The following SH3PXD2A variants were observed in gnomAD, a reference collection of about 807,000 sequenced individuals.
SH3PXD2A encodes SH3 and PX domain-containing protein 2A.
A neutral mutation model predicts 115.2 loss-of-function variants in SH3PXD2A; 32 were observed. The observed-to-expected ratio is 0.28, with a 90% CI of 0.21 to 0.37. The LOEUF (loss-of-function observed/expected upper bound fraction) is 0.37. SH3PXD2A is among the 10% of genes least tolerant of loss of function. The probability of loss-of-function intolerance (pLI) is 1.00; values close to 1 mark genes in which losing one functional copy is unlikely to be tolerated. For missense variants in SH3PXD2A, 1,328 were observed against 1,498.7 expected (o/e 0.89, Z 1.88); for synonymous variants, 610 against 629.1 (o/e 0.97, Z 0.45).
At chr10:103,828,662 G>C (rs1213272864) in intron 1 of SH3PXD2A, among the ~76,000 whole-genome samples, 1 of 152,206 alleles carries the variant, frequency 6.6e-6, no homozygotes, top group Non-Finnish European at 1.5e-5. Flanking sequence ...CCCAAGGGCA[G>C]GGCCTCTGCT....
intron 1 of SH3PXD2A, among the ~76,000 whole-genome samples, chr10:103,848,124 ACTCCAC>A (rs1027663251): frequency 6.6e-6 from 1 of 151,852 alleles, no homozygotes; most frequent in Non-Finnish European, 1.5e-5. Context: ...GATGGAAATT[ACTCCAC>A]CTGAAACGCT....
intron 5 of SH3PXD2A, among the ~76,000 whole-genome samples, chr10:103,707,838 T>C (rs1277044278): frequency 6.6e-6 from 1 of 152,146 alleles, no homozygotes; most frequent in Non-Finnish European, 1.5e-5. Flanking sequence ...CTTTTGTGTG[T>C]GTCTCTCTCT....
intron 10 of SH3PXD2A, 143 bp from the exon 11 acceptor site, chr10:103,617,457 A>G: frequency 1.6e-6 from 1 of 637,850 alleles, no homozygotes; most frequent in Non-Finnish European, 2.8e-6. Flanking sequence ...TCTCCAGGGG[A>G]GGGAAGGACC....
intron 5 of SH3PXD2A, among the ~76,000 whole-genome samples, chr10:103,698,221 G>T (rs910982858): frequency 1.3e-5 from 2 of 152,212 alleles, no homozygotes; most frequent in Non-Finnish European, 2.9e-5. Context: ...GAGGAAAGGG[G>T]GCTGGGCCTG....
intron 8 of SH3PXD2A, among the ~76,000 whole-genome samples, chr10:103,635,595 C>A (rs1200094191): frequency 6.6e-6 from 1 of 152,194 alleles, no homozygotes; most frequent in Non-Finnish European, 1.5e-5. Flanking sequence ...TGAGAGAGGA[C>A]CCCAGGTACA....
chr10:103,606,003 G>C, intron 13 of SH3PXD2A, 86 bp from the exon 14 acceptor site: 2 of 1,471,598 alleles, frequency 1.4e-6, no homozygotes, highest in African/African-American at 1.4e-5. Flanking sequence ...TCAGTCCCCA[G>C]GGGGTGCGGA....
At chr10:103,790,503 C>T (rs2039025477) in intron 2 of SH3PXD2A, among the ~76,000 whole-genome samples, 1 of 152,098 alleles carries the variant, frequency 6.6e-6, no homozygotes, top group Admixed American at 6.6e-5. Flanking sequence ...TTGGAGTGAG[C>T]TAGAAGCGAG....
chr10:103,854,750 C>T (rs1159154940), intron 1 of SH3PXD2A, among the ~76,000 whole-genome samples: 1 of 152,182 alleles, frequency 6.6e-6, no homozygotes, highest in Non-Finnish European at 1.5e-5. Flanking sequence ...AGAGACAGAG[C>T]TGGCGTGGGA....
chr10:103,854,225 G>A (rs1285872133), intron 1 of SH3PXD2A, among the ~76,000 whole-genome samples: 1 of 152,222 alleles, frequency 6.6e-6, no homozygotes, highest in African/African-American at 2.4e-5. Flanking sequence ...TGTTTTAACT[G>A]TTAAGATTAA....
chr10:103,662,758 C>G (rs1452796897), intron 7 of SH3PXD2A, among the ~76,000 whole-genome samples: 1 of 152,142 alleles, frequency 6.6e-6, no homozygotes, highest in Non-Finnish European at 1.5e-5. Flanking sequence ...GACTAGTCAC[C>G]TCCTACAGGA....
At chr10:103,676,305 C>A in intron 6 of SH3PXD2A, among the ~76,000 whole-genome samples, 1 of 152,172 alleles carries the variant, frequency 6.6e-6, no homozygotes, top group Non-Finnish European at 1.5e-5. Flanking sequence ...TAGGAATGCA[C>A]TATTGACCCT....
chr10:103,741,378 C>T (rs1009526578), intron 3 of SH3PXD2A, among the ~76,000 whole-genome samples: 8 of 152,186 alleles, frequency 5.3e-5, no homozygotes, highest in African/African-American at 1.4e-4. Flanking sequence ...TGAAGCCTTC[C>T]TTGAATGCTT....
At chr10:103,771,039 AG>A (rs1298488261) in intron 2 of SH3PXD2A, among the ~76,000 whole-genome samples, 2 of 152,194 alleles carry the variant, frequency 1.3e-5, no homozygotes, top group Non-Finnish European at 2.9e-5. Flanking sequence ...ATGACTCCAT[AG>A]GTTTCTGATG....
At chr10:103,721,435 G>C (rs1395553282) in intron 5 of SH3PXD2A, among the ~76,000 whole-genome samples, 1 of 152,202 alleles carries the variant, frequency 6.6e-6, no homozygotes, top group Non-Finnish European at 1.5e-5. Context: ...TGTTCCTCAA[G>C]GGCCTCCTAG....
At position 103,784,479 on chromosome 10, in the gene SH3PXD2A, A is replaced by G. The variant is rs558352014; in HGVS notation, c.153+16803T>C. 2.0e-4 allele frequency among the ~76,000 whole-genome samples: 30 copies of G among 152,356 alleles called. No individual in the cohort carries two copies. Among genetic ancestry groups the G allele is most frequent in the African/African-American group, 7.2e-4 (30 of 41,574 alleles). Reference sequence around the variant, plus strand: ...CTGCACCATTTTATTTATTTAAAAGAGACATATCTGAAGCAAATGTGGCAA... The same window carrying G: ...CTGCACCATTTTATTTATTTAAAAGGGACATATCTGAAGCAAATGTGGCAA... On this transcript the variant is annotated intron_variant, in intron 2 of 14. Coordinates refer to ENST00000369774, the MANE Select transcript of SH3PXD2A (RefSeq NM_001394015.1). This position sits in a 1 kb window ranked among gnomAD's most constrained non-coding sequence, Gnocchi z 4.4.
rs34034863 is a variant in SH3PXD2A at position 103,776,436 on chromosome 10, C to CTGTGTGTGTG, written c.154-9277_154-9268dup. On this transcript the variant is annotated intron_variant, in intron 2 of 14. Coordinates refer to ENST00000369774, the MANE Select transcript of SH3PXD2A (RefSeq NM_001394015.1). ...AAAGTGTGTGCATGCGTGTGTGTGT[C>CTGTGTGTGTG]TGTGTGTGTGTGTGTGTGTGTGTGT... Among the ~76,000 whole-genome samples, 528 of 125,114 alleles carry CTGTGTGTGTG rather than the reference C, an allele frequency of 4.2e-3. 4 individuals are homozygous for CTGTGTGTGTG. The highest frequency in any genetic ancestry group is 0.011 in the African/African-American group (387 of 34,458). 82.1% of individuals were successfully genotyped at this position (125,114 alleles called of 152,430 possible).
intron 3 of SH3PXD2A, among the ~76,000 whole-genome samples, chr10:103,747,861 G>T (rs1267621408): frequency 6.6e-6 from 1 of 151,932 alleles, no homozygotes; most frequent in Non-Finnish European, 1.5e-5. Context: ...TGTTGCCTAG[G>T]TTGGTCTTGA....
At chr10:103,825,508 A>C (rs935191320) in intron 1 of SH3PXD2A, among the ~76,000 whole-genome samples, 1 of 152,210 alleles carries the variant, frequency 6.6e-6, no homozygotes, top group African/African-American at 2.4e-5. Flanking sequence ...TGTTCATTCG[A>C]AACTCATTAC....
chr10:103,740,685 C>A (rs1287971747), intron 3 of SH3PXD2A, among the ~76,000 whole-genome samples: 6 of 152,240 alleles, frequency 3.9e-5, no homozygotes, highest in Non-Finnish European at 8.8e-5. Flanking sequence ...CTGATCTATT[C>A]CTGGCAGCCT....
Sources: allele counts gnomAD v4.1 joint callset (sites outside exome capture counted in the v4.1 genomes callset), GRCh38; gene constraint gnomAD v4.1.1; non-coding constraint Gnocchi (gnomAD v3.1); transcripts MANE v1.5; gene names NCBI Gene and HGNC (gene_info 2026-07-23, HGNC 2026-07-21).